The following MAML3 variants were observed in gnomAD, a reference collection of about 807,000 sequenced individuals.
MAML3 encodes the protein mastermind-like protein 3.
MAML3 carries 27 observed loss-of-function variants against 101.9 expected under a neutral mutation model. The ratio of observed to expected loss-of-function variants is 0.27; its 90% CI spans 0.20 to 0.37. The LOEUF (loss-of-function observed/expected upper bound fraction) is 0.37. Ranked by LOEUF, MAML3 falls within the 10% of genes least tolerant of loss-of-function variation. MAML3 has a pLI of 1.00. For missense variants in MAML3, 1,316 were observed against 1,444.9 expected (o/e 0.91, Z 1.45); for synonymous variants, 501 against 555.9 (o/e 0.90, Z 1.39).
intron 2 of MAML3, among the ~76,000 whole-genome samples, chr4:139,732,427 C>T (rs907324): frequency 0.6 from 91,111 of 151,942 alleles, 27,932 homozygotes; most frequent in African/African-American, 0.71. Context: ...CAAAACAAAA[C>T]AGCAAAGCAA....
chr4:139,932,713 G>A (rs1733426335), intron 1 of MAML3, among the ~76,000 whole-genome samples: 1 of 152,174 alleles, frequency 6.6e-6, no homozygotes, highest in Non-Finnish European at 1.5e-5. Context: ...TGGGGAAAAT[G>A]TTACCAAAAG....
chr4:139,909,043 C>T (rs1439047120), intron 1 of MAML3, among the ~76,000 whole-genome samples: 1 of 152,158 alleles, frequency 6.6e-6, no homozygotes, highest in Non-Finnish European at 1.5e-5. Context: ...TTAGTGTTGT[C>T]TAGTAGTTAG....
chr4:140,108,049 A>G (rs1578688529), intron 1 of MAML3, among the ~76,000 whole-genome samples: 2 of 152,190 alleles, frequency 1.3e-5, no homozygotes, highest in African/African-American at 4.8e-5. Context: ...CCAATCACAT[A>G]TATGACAAAA....
intron 1 of MAML3, among the ~76,000 whole-genome samples, chr4:139,954,908 T>A (rs892874282): frequency 2.6e-5 from 4 of 151,938 alleles, no homozygotes; most frequent in Non-Finnish European, 4.4e-5. Context: ...TCGATAAAAA[T>A]TTTTAAAAAT....
At chr4:140,115,304 A>G (rs746951699) in intron 1 of MAML3, among the ~76,000 whole-genome samples, 8 of 152,196 alleles carry the variant, frequency 5.3e-5, no homozygotes, top group Non-Finnish European at 8.8e-5. Flanking sequence ...CTGAAACTCA[A>G]GTGCTCACTC....
rs140081240 is a variant in MAML3, at chr4:139,856,955, A to G, written c.2079+32402T>C. On this transcript the variant is annotated intron_variant, in intron 2 of 4. Transcript: ENST00000509479. ...GGTTCTGAATTTTAATTGTAGGAGTAAAAAAATGAAGGAAATCCAAGAAAG... is the reference window on the plus strand; with the variant it reads ...GGTTCTGAATTTTAATTGTAGGAGTGAAAAAATGAAGGAAATCCAAGAAAG... 8.9e-3 allele frequency among the ~76,000 whole-genome samples: 1,352 copies of G among 152,296 alleles called. 27 individuals are homozygous for G. The highest frequency in any genetic ancestry group is 0.03 in the African/African-American group (1,255 of 41,542).
chr4:139,765,620 A>G (rs1265552881), intron 2 of MAML3, among the ~76,000 whole-genome samples: 3 of 152,222 alleles, frequency 2.0e-5, no homozygotes, highest in Non-Finnish European at 2.9e-5. Context: ...TGCAATGTTT[A>G]AAAGTTGGAA....
chr4:140,140,125 C>T (rs1364712119), intron 1 of MAML3, among the ~76,000 whole-genome samples: 1 of 152,098 alleles, frequency 6.6e-6, no homozygotes, highest in Non-Finnish European at 1.5e-5. Flanking sequence ...AGTTCGAGAC[C>T]AGCCTGGCCA....
At chr4:139,977,185 C>A (rs1305468525) in intron 1 of MAML3, among the ~76,000 whole-genome samples, 5 of 152,118 alleles carry the variant, frequency 3.3e-5, no homozygotes, top group African/African-American at 1.2e-4. Context: ...AACTTCTCAG[C>A]CTGCAGAACT....
At chr4:139,876,028 C>A (rs1021779067) in intron 2 of MAML3, among the ~76,000 whole-genome samples, 1 of 151,398 alleles carries the variant, frequency 6.6e-6, no homozygotes, top group Non-Finnish European at 1.5e-5. Flanking sequence ...AACACAGTAG[C>A]CACTAGCCAC....
At chr4:140,124,841 T>C (rs751246076) in intron 1 of MAML3, among the ~76,000 whole-genome samples, 21 of 152,292 alleles carry the variant, frequency 1.4e-4, no homozygotes, top group South Asian at 2.1e-4. Context: ...CTGAATGCCA[T>C]GATTAGGGTC....
At chr4:139,758,518 G>T (rs1233422109) in intron 2 of MAML3, among the ~76,000 whole-genome samples, 2 of 152,106 alleles carry the variant, frequency 1.3e-5, no homozygotes, top group Non-Finnish European at 2.9e-5. Flanking sequence ...CTTTAATCTG[G>T]GTCTGAAACC....
chr4:140,066,999 G>A (rs1038180022), intron 1 of MAML3, among the ~76,000 whole-genome samples: 1 of 152,204 alleles, frequency 6.6e-6, no homozygotes, highest in Non-Finnish European at 1.5e-5. Flanking sequence ...GTTAGGGCCA[G>A]CATGACTTCT....
At chr4:139,951,684 C>A (rs997575141) in intron 1 of MAML3, among the ~76,000 whole-genome samples, 2 of 152,050 alleles carry the variant, frequency 1.3e-5, no homozygotes, top group African/African-American at 4.8e-5. Context: ...ACTGCTCTCT[C>A]CAACACTGAA....
At chr4:140,052,629 G>A (rs1727286546) in intron 1 of MAML3, among the ~76,000 whole-genome samples, 1 of 150,686 alleles carries the variant, frequency 6.6e-6, no homozygotes, top group Non-Finnish European at 1.5e-5. Flanking sequence ...CTACCTCCTA[G>A]GTTCGAGTGA....
chr4:140,075,824 G>C (rs1211396334), intron 1 of MAML3, among the ~76,000 whole-genome samples: 4 of 151,270 alleles, frequency 2.6e-5, no homozygotes, highest in Non-Finnish European at 4.4e-5. Context: ...GCAGTGGTAT[G>C]ATCTTGGCTC....
At position 140,082,758 on chromosome 4, in the gene MAML3, T is replaced by A. The variant is rs532232676; in HGVS notation, c.468+70102A>T. 5.7e-4 allele frequency among the ~76,000 whole-genome samples: 86 copies of A among 151,596 alleles called. No individual in the cohort carries two copies. In the East Asian group the frequency reaches 0.015, roughly 26 times the overall value. ...ACCACTCTAGGATTTTTTTTTTTTT[T>A]AAATAAACTGTATTAGGAGCTTGTC... On this transcript the variant is annotated intron_variant, in intron 1 of 4. Coordinates refer to ENST00000509479, the MANE Select transcript of MAML3 (RefSeq NM_018717.5).
intron 1 of MAML3, among the ~76,000 whole-genome samples, chr4:139,959,025 T>A (rs923187863): frequency 6.6e-6 from 1 of 152,200 alleles, no homozygotes; most frequent in Non-Finnish European, 1.5e-5. Flanking sequence ...GAGACCATTT[T>A]TTCTAGGTGG....
intron 1 of MAML3, among the ~76,000 whole-genome samples, chr4:139,977,156 A>G (rs1302762117): frequency 2.0e-5 from 3 of 152,166 alleles, no homozygotes; most frequent in Non-Finnish European, 4.4e-5. Context: ...CCCTCACCAG[A>G]CACTGAATCT....
Sources: gnomAD v4.1 joint callset for allele counts (sites outside exome capture counted in the v4.1 genomes callset) on GRCh38, gnomAD v4.1.1 for gene constraint, MANE v1.5 for transcripts, NCBI Gene and HGNC (gene_info 2026-07-23, HGNC 2026-07-21) for gene names.